TRIM14: variants seen among roughly 807,000 people sequenced by gnomAD.
TRIM14 encodes tripartite motif-containing protein 14.
TRIM14 carries 28 observed loss-of-function variants against 44.5 expected under a neutral mutation model. That is an observed-to-expected ratio of 0.63 (90% CI 0.47 to 0.86). The LOEUF is 0.86. Ranked by LOEUF, TRIM14 falls within the 40% of genes least tolerant of loss-of-function variation. The pLI, the probability that TRIM14 is intolerant of heterozygous loss-of-function variation, is 0.00. For missense variants in TRIM14, 607 were observed against 611.1 expected, an observed-to-expected ratio of 0.99 and a Z score of 0.07; for synonymous variants, 299 against 269.2, an observed-to-expected ratio of 1.11 and a Z score of -1.08.
chr9:98,064,768 C>T (rs1829086471), downstream of TRIM14, among the ~76,000 whole-genome samples: 1 of 152,166 alleles, frequency 6.6e-6, no homozygotes, highest in Non-Finnish European at 1.5e-5. Flanking sequence ...CCCTCAGCTG[C>T]TGCTGCCTGG....
chr9:98,113,783 T>C (rs1229955828), intron 1 of TRIM14, among the ~76,000 whole-genome samples: 1 of 152,260 alleles, frequency 6.6e-6, no homozygotes, highest in Non-Finnish European at 1.5e-5. Flanking sequence ...TGTCCCATGC[T>C]GTCTTTATTA....
At chr9:98,056,788 T>G in the TRIM14 span, 759,019 of 1,607,248 alleles carry the variant, frequency 0.47, 189,454 homozygotes, top group African/African-American at 0.9. Flanking sequence ...GTAGTGAGGC[T>G]TTGGACCCCG....
At chr9:98,048,341 C>A in the TRIM14 span, among the ~76,000 whole-genome samples, 1 of 152,078 alleles carries the variant, frequency 6.6e-6, no homozygotes, top group Non-Finnish European at 1.5e-5. Context: ...CTTTCCTCAC[C>A]CTGTTCTACA....
chr9:98,037,712 A>G, the TRIM14 span, among the ~76,000 whole-genome samples: 1 of 152,094 alleles, frequency 6.6e-6, no homozygotes, highest in African/African-American at 2.4e-5. Flanking sequence ...CTTCAAAAGG[A>G]GCTTGGCACA....
chr9:98,107,830 T>A (rs2118586729), intron 2 of TRIM14, among the ~76,000 whole-genome samples: 1 of 125,412 alleles, frequency 8.0e-6, no homozygotes. Context: ...TCCCGGCATT[T>A]TTTTGTATTT....
At chr9:98,053,234 G>A in the TRIM14 span, among the ~76,000 whole-genome samples, 2 of 152,202 alleles carry the variant, frequency 1.3e-5, no homozygotes, top group Non-Finnish European at 2.9e-5. Flanking sequence ...TTGAGCTTGC[G>A]AAGGCTTTTA....
At chr9:98,060,910 T>C in the TRIM14 span, 5 of 1,614,118 alleles carry the variant, frequency 3.1e-6, no homozygotes, top group Non-Finnish European at 3.4e-6. Flanking sequence ...ACAAACGACA[T>C]CTGGAGTTCA....
the TRIM14 span, among the ~76,000 whole-genome samples, chr9:98,059,695 A>G: frequency 2.0e-5 from 3 of 149,772 alleles, no homozygotes; most frequent in South Asian, 6.3e-4. Flanking sequence ...GATTATAGGC[A>G]TGGGCCACTG....
At chr9:98,098,507 G>T (rs7857813) in intron 3 of TRIM14, among the ~76,000 whole-genome samples, 2 of 151,704 alleles carry the variant, frequency 1.3e-5, no homozygotes, top group Non-Finnish European at 2.9e-5. Flanking sequence ...GTCAGGAGAT[G>T]GAGACCATCC....
At chr9:98,067,834 AC>A (rs145488817), downstream of TRIM14, among the ~76,000 whole-genome samples, 44,684 of 151,480 alleles carry the variant, frequency 0.29, 8,286 homozygotes, top group African/African-American at 0.52. Context: ...CAATCCTCCC[AC>A]CTCAGCCTCC....
the TRIM14 span, among the ~76,000 whole-genome samples, chr9:98,053,554 C>T: frequency 1.3e-5 from 2 of 152,114 alleles, no homozygotes; most frequent in Non-Finnish European, 2.9e-5. Flanking sequence ...CTAAGTACAC[C>T]AGATTTTCTA....
chr9:98,087,866 C>T lies in TRIM14; in HGVS notation c.933G>A (p.Val311=). Residue 311 remains valine (V), a synonymous_variant, in exon 6 of 6, where the codon GTG becomes GTA. Transcript: ENST00000341469. ...PVLRFDALWQ[V]LARDCFATGR... is the part of the protein sequence containing the mutation. ...CGGTGGCGAAGCAGTCACGAGCCAG[C>T]ACTTGCCAGAGCGCGTCGAACCGCA... 6.4e-7 allele frequency: 1 copy of T among 1,565,754 alleles called. No individual in the cohort carries two copies. The highest frequency in any genetic ancestry group is 2.4e-5 in the East Asian group (1 of 41,344).
chr9:98,043,305 G>A, the TRIM14 span, among the ~76,000 whole-genome samples: 1 of 151,998 alleles, frequency 6.6e-6, no homozygotes, highest in Non-Finnish European at 1.5e-5. Flanking sequence ...AGCCTCCCGA[G>A]TAGCTGGGAT....
chr9:98,059,723 G>GT, the TRIM14 span, among the ~76,000 whole-genome samples: 1,307 of 150,006 alleles, frequency 8.7e-3, 18 homozygotes, highest in African/African-American at 0.03. Flanking sequence ...CCTCTTGAGT[G>GT]TTTTTTGTTT....
At position 98,084,681 on chromosome 9, in the gene TRIM14, T is replaced by A. The variant is rs1325875354; in HGVS notation, c.*2789A>T. 6.6e-6 allele frequency: 1 copy of A among 152,146 alleles called. No individual in the cohort carries two copies. The highest frequency in any genetic ancestry group is 1.5e-5 in the Non-Finnish European group (1 of 68,062). The allele number at this position is 152,146 out of a possible 1,614,324, so 9.4% of individuals were successfully genotyped here. A position where few individuals can be genotyped will look rare whatever the true frequency, so the allele number is the denominator to read the frequency against. ...ACAGCAGTATATATGTTTTTTTTGT[T>A]TTTTTTGAGACAAGAGTCTTGCTCT... On this transcript the variant is annotated 3_prime_UTR_variant, in exon 6 of 6. Coordinates refer to ENST00000341469, the MANE Select transcript of TRIM14 (RefSeq NM_014788.4).
chr9:98,066,428 G>C (rs1334493553), downstream of TRIM14, among the ~76,000 whole-genome samples: 2 of 152,178 alleles, frequency 1.3e-5, no homozygotes, highest in Non-Finnish European at 2.9e-5. Context: ...CTCACCTAAT[G>C]GAAGGTGTGT....
At chr9:98,079,470 A>G (rs941853375), downstream of TRIM14, among the ~76,000 whole-genome samples, 6 of 87,126 alleles carry the variant, frequency 6.9e-5, no homozygotes, top group African/African-American at 1.3e-4. Flanking sequence ...TACAGCCATT[A>G]ACTTAAAAAG....
At chr9:98,073,011 G>T (rs924829761) in intron 6 of TRIM14, among the ~76,000 whole-genome samples, 3 of 152,146 alleles carry the variant, frequency 2.0e-5, no homozygotes, top group Non-Finnish European at 4.4e-5. Context: ...GAACTCAGGT[G>T]AAACAGCAGA....
At position 98,078,170 on chromosome 9, in the gene TRIM14, G is replaced by A. The variant is rs753812027; in HGVS notation, c.*29-8483C>T. ...GAACCTCTAAAGAGAAAGTGCTGAT[G>A]GTGTTGGTGCTGGATTACTCAGGTC... On this transcript the variant is annotated intron_variant, in intron 6 of 6. Coordinates refer to the TRIM14 transcript ENST00000375098. 3.1e-6 allele frequency: 5 copies of A among 1,614,122 alleles called. No individual in the cohort carries two copies. The Admixed American group carries it at 5.0e-5, about 16-fold the overall frequency.
Sources: allele counts gnomAD v4.1 joint callset (sites outside exome capture counted in the v4.1 genomes callset), GRCh38; gene constraint gnomAD v4.1.1; transcripts MANE v1.5; gene names NCBI Gene and HGNC (gene_info 2026-07-23, HGNC 2026-07-21).